Variants in SGCZ observed in about 807,000 individuals in gnomAD.
SGCZ encodes the protein sarcoglycan zeta.
Under a neutral mutation model 41.3 loss-of-function variants are expected in SGCZ, and 40 were observed. That is an observed-to-expected ratio of 0.97 (90% CI 0.75 to 1.26). The LOEUF is 1.26. Ranked by LOEUF, SGCZ falls within the 50% of genes most tolerant of loss-of-function variation. The pLI is 0.00. For missense variants in SGCZ, 552 were observed against 369.8 expected (o/e 1.49, Z -4.04); for synonymous variants, 206 against 137.5 (o/e 1.50, Z -3.49).
chr8:14,327,106 A>T (rs957683139), intron 2 of SGCZ, among the ~76,000 whole-genome samples: 1 of 152,240 alleles, frequency 6.6e-6, no homozygotes, highest in Non-Finnish European at 1.5e-5. Context: ...AAGAATGGCA[A>T]ATGGTGATAA....
chr8:14,398,811 A>T (rs1359419049), intron 2 of SGCZ, among the ~76,000 whole-genome samples: 1 of 152,112 alleles, frequency 6.6e-6, no homozygotes, highest in Admixed American at 6.6e-5. Context: ...GTTAGACTAG[A>T]GCTCACATAG....
chr8:14,597,577 TC>T (rs1288476382), intron 1 of SGCZ, among the ~76,000 whole-genome samples: 1 of 152,076 alleles, frequency 6.6e-6, no homozygotes, highest in Admixed American at 6.6e-5. Flanking sequence ...CAAGTGATAC[TC>T]CCTTTCTCCC....
chr8:14,635,709 C>A (rs78300015), intron 1 of SGCZ, among the ~76,000 whole-genome samples: 1 of 151,662 alleles, frequency 6.6e-6, no homozygotes, highest in African/African-American at 2.4e-5. Context: ...GGGTGGAAGC[C>A]GTGTTCCAAC....
intron 1 of SGCZ, among the ~76,000 whole-genome samples, chr8:14,958,862 G>C (rs1585413218): frequency 6.6e-6 from 1 of 152,096 alleles, no homozygotes; most frequent in African/African-American, 2.4e-5. Flanking sequence ...GACATAAATA[G>C]GCAGATATTT....
At chr8:14,452,996 G>A (rs915774596) in intron 2 of SGCZ, among the ~76,000 whole-genome samples, 1 of 151,968 alleles carries the variant, frequency 6.6e-6, no homozygotes, top group Non-Finnish European at 1.5e-5. Flanking sequence ...CCAGCTACTC[G>A]GGAGGCTGAG....
intron 1 of SGCZ, among the ~76,000 whole-genome samples, chr8:15,236,694 AG>A (rs927797467): frequency 1.3e-5 from 2 of 151,974 alleles, no homozygotes; most frequent in African/African-American, 4.8e-5. Context: ...TTTTTCTTGA[AG>A]GGAAGCAGGC....
chr8:14,920,068 G>C (rs546531366), intron 1 of SGCZ, among the ~76,000 whole-genome samples: 1 of 152,210 alleles, frequency 6.6e-6, no homozygotes, highest in East Asian at 1.9e-4. Context: ...GCCTGTAAAT[G>C]GTAAATAATC....
rs376297598 is a variant in SGCZ at position 14,963,174 on chromosome 8, G to A, written c.39+274411C>T. On this transcript the variant is annotated intron_variant, in intron 1 of 7. Coordinates refer to ENST00000382080, the MANE Select transcript of SGCZ (RefSeq NM_139167.4). ...TCCCAGGAAAATAGGAAATTAAGCAGGTAACTACATCGAACACCATATATG... is the reference window on the plus strand; with the variant it reads ...TCCCAGGAAAATAGGAAATTAAGCAAGTAACTACATCGAACACCATATATG... 7.9e-5 allele frequency among the ~76,000 whole-genome samples: 12 copies of A among 152,258 alleles called. No individual in the cohort carries two copies. The East Asian group carries it at 2.1e-3, about 27-fold the overall frequency.
At chr8:14,775,264 A>G (rs974553295) in intron 1 of SGCZ, among the ~76,000 whole-genome samples, 1 of 152,146 alleles carries the variant, frequency 6.6e-6, no homozygotes, top group East Asian at 1.9e-4. Context: ...TAGAGTGTAG[A>G]GCCCAGAACA....
At chr8:14,640,159 G>A (rs989841767) in intron 1 of SGCZ, among the ~76,000 whole-genome samples, 2 of 151,278 alleles carry the variant, frequency 1.3e-5, no homozygotes, top group Non-Finnish European at 3.0e-5. Context: ...TTAAGAAACA[G>A]AAAATTGGGA....
intron 2 of SGCZ, among the ~76,000 whole-genome samples, chr8:14,358,234 A>G (rs1027613740): frequency 1.3e-5 from 2 of 152,160 alleles, no homozygotes; most frequent in Admixed American, 6.5e-5. Flanking sequence ...CTATAAATAT[A>G]TTATCGCATT....
intron 2 of SGCZ, among the ~76,000 whole-genome samples, chr8:14,372,431 T>C (rs1478091405): frequency 6.6e-6 from 1 of 152,104 alleles, no homozygotes; most frequent in African/African-American, 2.4e-5. Flanking sequence ...GACAGAGAAG[T>C]GAGCATGAGA....
At chr8:14,115,293 T>A (rs1397248952) in intron 5 of SGCZ, among the ~76,000 whole-genome samples, 3 of 152,028 alleles carry the variant, frequency 2.0e-5, no homozygotes, top group East Asian at 3.9e-4. Flanking sequence ...ACATAATCTC[T>A]ATGGGTATGC....
At position 14,223,417 on chromosome 8, in the gene SGCZ, G is replaced by C. The variant is rs936184548; in HGVS notation, c.424+14175C>G. ...TTAATAAATAAAGACATATACTATA[G>C]AGTTCAGATTATTTTTCAATATATA... On this transcript the variant is annotated intron_variant, in intron 4 of 7. Coordinates refer to ENST00000382080, the MANE Select transcript of SGCZ (RefSeq NM_139167.4). Among the ~76,000 whole-genome samples the C allele has an allele frequency of 1.1e-4, 16 of 152,140 alleles. 1 individual carries two copies. The highest frequency in any genetic ancestry group is 8.3e-4 in the South Asian group (4 of 4,824).
At chr8:14,436,773 C>T (rs1439256345) in intron 2 of SGCZ, among the ~76,000 whole-genome samples, 1 of 152,182 alleles carries the variant, frequency 6.6e-6, no homozygotes, top group Non-Finnish European at 1.5e-5. Flanking sequence ...CAAAGCATTT[C>T]TGCTTTAGTA....
intron 3 of SGCZ, among the ~76,000 whole-genome samples, chr8:14,276,853 G>A (rs760777679): frequency 2.6e-5 from 4 of 152,094 alleles, no homozygotes; most frequent in Non-Finnish European, 5.9e-5. Flanking sequence ...GGTGGACACC[G>A]AGTAAATAAC....
intron 1 of SGCZ, among the ~76,000 whole-genome samples, chr8:14,820,906 A>C (rs1802057361): frequency 6.7e-6 from 1 of 149,366 alleles, no homozygotes; most frequent in South Asian, 2.1e-4. Context: ...AAAACATAAA[A>C]ACACCCTAAA....
At chr8:14,100,349 TTAA>T (rs911687326) in intron 7 of SGCZ, among the ~76,000 whole-genome samples, 2 of 151,088 alleles carry the variant, frequency 1.3e-5, no homozygotes, top group African/African-American at 2.4e-5. Context: ...AAAATAGATA[TTAA>T]TAATAATCAA....
intron 1 of SGCZ, among the ~76,000 whole-genome samples, chr8:15,205,258 G>A (rs916664976): frequency 2.6e-5 from 4 of 152,132 alleles, no homozygotes; most frequent in Non-Finnish European, 4.4e-5. Flanking sequence ...TGACAAGTGG[G>A]ATGTAATTAA....
Sources: allele counts gnomAD v4.1 joint callset (sites outside exome capture counted in the v4.1 genomes callset), GRCh38; gene constraint gnomAD v4.1.1; transcripts MANE v1.5; gene names NCBI Gene and HGNC (gene_info 2026-07-23, HGNC 2026-07-21).